Variants in GALNT17 observed in about 807,000 individuals in gnomAD.
GALNT17 encodes the protein polypeptide N-acetylgalactosaminyltransferase 17, also known as UDP-GalNAc:polypeptide N-acetylgalactosaminyltransferase-like 3.
GALNT17 carries 29 observed loss-of-function variants against 63.7 expected under a neutral mutation model. That is an observed-to-expected ratio of 0.46 (90% CI 0.34 to 0.62). The LOEUF is 0.62. Among genes scored for constraint, GALNT17 ranks in the 20% least tolerant of loss-of-function variants. The pLI, the probability that GALNT17 is intolerant of heterozygous loss-of-function variation, is 0.01. For synonymous variants in GALNT17, 305 were observed against 318.3 expected, an observed-to-expected ratio of 0.96 and a Z score of 0.45; for missense variants, 603 against 799.6, an observed-to-expected ratio of 0.75 and a Z score of 2.97.
chr7:71,618,695 A>T (rs1332821342), intron 6 of GALNT17, among the ~76,000 whole-genome samples: 1 of 152,062 alleles, frequency 6.6e-6, no homozygotes, highest in Admixed American at 6.6e-5. Flanking sequence ...AGTTCCCTAT[A>T]GATTCTGGAT....
At chr7:71,700,225 T>C (rs377261200) in intron 9 of GALNT17, among the ~76,000 whole-genome samples, 1 of 151,906 alleles carries the variant, frequency 6.6e-6, no homozygotes, top group Non-Finnish European at 1.5e-5. Flanking sequence ...CAAGAATCAC[T>C]TGAGCCCAGG....
At chr7:71,536,206 G>A (rs562243479) in intron 5 of GALNT17, among the ~76,000 whole-genome samples, 1 of 152,192 alleles carries the variant, frequency 6.6e-6, no homozygotes, top group South Asian at 2.1e-4. Context: ...TGGCAGGCTC[G>A]CATTTACCCA....
chr7:71,439,943 C>CTT lies in GALNT17; in HGVS notation c.962+18857_962+18858dup, dbSNP rs370145707. On this transcript the variant is annotated intron_variant, in intron 5 of 10. Transcript: ENST00000333538. The stretch of plus-strand genomic sequence containing the variant: ...CAGAGTGTTTCATCTTCCAGGCCCT[C>CTT]TTTTTTTTTTTTTTTTTTTTGAGAC... 7.7e-4 allele frequency among the ~76,000 whole-genome samples: 95 copies of CTT among 123,370 alleles called. 3 individuals carry two copies. Among genetic ancestry groups the CTT allele is most frequent in the East Asian group, 2.6e-3 (10 of 3,864 alleles). 80.9% of individuals were successfully genotyped at this position (123,370 alleles called of 152,430 possible). A position where few individuals can be genotyped will look rare whatever the true frequency, so the allele number is the denominator to read the frequency against.
intron 1 of GALNT17, among the ~76,000 whole-genome samples, chr7:71,224,495 C>T (rs920038724): frequency 6.6e-6 from 1 of 152,136 alleles, no homozygotes; most frequent in Non-Finnish European, 1.5e-5. Flanking sequence ...CTCATCCTTC[C>T]AAGAACAGTA....
intron 5 of GALNT17, among the ~76,000 whole-genome samples, chr7:71,510,569 A>G (rs1788340431): frequency 6.6e-6 from 1 of 152,054 alleles, no homozygotes. Flanking sequence ...CACGGAATCC[A>G]CCCAGATCAA....
At chr7:71,247,389 T>TA (rs1219687887) in intron 1 of GALNT17, among the ~76,000 whole-genome samples, 1 of 152,180 alleles carries the variant, frequency 6.6e-6, no homozygotes, top group Non-Finnish European at 1.5e-5. Context: ...TAGAGGTGCT[T>TA]ACCTCCTTGG....
rs554027506 is a variant in GALNT17 at position 71,634,061 on chromosome 7, G to A, written c.1081-31350G>A. Among the ~76,000 whole-genome samples the A allele has an allele frequency of 3.9e-5, 6 of 152,250 alleles. No homozygotes were observed. In the East Asian group the frequency reaches 9.7e-4, roughly 25 times the overall value. On this transcript the variant is annotated intron_variant, in intron 6 of 10. Transcript: ENST00000333538. ...ATGCAGTGGGCAGGAAGAACCCCTC[G>A]GGCAGTGACATCTCTCAAATATTGT...
At chr7:71,677,766 C>G (rs529624226) in intron 9 of GALNT17, among the ~76,000 whole-genome samples, 9 of 152,208 alleles carry the variant, frequency 5.9e-5, no homozygotes, top group African/African-American at 2.2e-4. Context: ...CCGCCCGCCT[C>G]GGCCTCCCAA....
intron 3 of GALNT17, among the ~76,000 whole-genome samples, chr7:71,403,559 G>A (rs1036757286): frequency 2.6e-5 from 4 of 152,182 alleles, no homozygotes; most frequent in African/African-American, 4.8e-5. Flanking sequence ...TAGAACACTC[G>A]TATGATGCAT....
intron 1 of GALNT17, chr7:71,284,221 G>C (rs942397620): frequency 6.2e-6 from 1 of 161,738 alleles, no homozygotes; most frequent in Non-Finnish European, 1.3e-5. Context: ...GCGAGACCAC[G>C]AACCCACCGG....
At chr7:71,370,939 G>T (rs930551561) in intron 2 of GALNT17, among the ~76,000 whole-genome samples, 2 of 152,192 alleles carry the variant, frequency 1.3e-5, no homozygotes, top group Non-Finnish European at 2.9e-5. Context: ...CATATCGTGG[G>T]ATTGCTCCTG....
chr7:71,428,283 A>G (rs1021512106), intron 5 of GALNT17, among the ~76,000 whole-genome samples: 4 of 152,120 alleles, frequency 2.6e-5, no homozygotes, highest in South Asian at 2.1e-4. Context: ...AAGGCTGCCA[A>G]TCTACTTTCT....
chr7:71,355,394 A>AT (rs1451571116), intron 2 of GALNT17, among the ~76,000 whole-genome samples: 2 of 152,154 alleles, frequency 1.3e-5, no homozygotes, highest in South Asian at 2.1e-4. Flanking sequence ...CATTACCATT[A>AT]TTTTTTAGAA....
At chr7:71,363,828 G>A (rs1792452108) in intron 2 of GALNT17, among the ~76,000 whole-genome samples, 1 of 152,198 alleles carries the variant, frequency 6.6e-6, no homozygotes, top group South Asian at 2.1e-4. Flanking sequence ...ACAGCTCAGT[G>A]TTTGCCTTAC....
intron 5 of GALNT17, among the ~76,000 whole-genome samples, chr7:71,494,948 T>G (rs1245980082): frequency 6.6e-6 from 1 of 152,138 alleles, no homozygotes; most frequent in African/African-American, 2.4e-5. Flanking sequence ...GCCCCCATGA[T>G]TCAATTGTCT....
At chr7:71,504,718 T>C (rs1475830090) in intron 5 of GALNT17, among the ~76,000 whole-genome samples, 1 of 152,214 alleles carries the variant, frequency 6.6e-6, no homozygotes, top group Non-Finnish European at 1.5e-5. Context: ...TCAAATTTGC[T>C]GTCTGGTATT....
intron 6 of GALNT17, among the ~76,000 whole-genome samples, chr7:71,636,432 C>G (rs1790529659): frequency 6.6e-6 from 1 of 152,150 alleles, no homozygotes; most frequent in South Asian, 2.1e-4. Flanking sequence ...AGGGCCACAT[C>G]TCCCCTGTAA....
At chr7:71,709,587 T>TG (rs1554327330) in intron 9 of GALNT17, among the ~76,000 whole-genome samples, 3 of 147,496 alleles carry the variant, frequency 2.0e-5, no homozygotes, top group Non-Finnish European at 4.5e-5. Flanking sequence ...GGTTTTTTTT[T>TG]TTGTTTTTTT....
intron 5 of GALNT17, among the ~76,000 whole-genome samples, chr7:71,533,900 C>G (rs1476422187): frequency 1.3e-5 from 2 of 152,090 alleles, no homozygotes; most frequent in Non-Finnish European, 2.9e-5. Flanking sequence ...AGCTGGTCAA[C>G]AGTCAGCAGG....
Sources: gnomAD v4.1 joint callset for allele counts (sites outside exome capture counted in the v4.1 genomes callset) on GRCh38, gnomAD v4.1.1 for gene constraint, MANE v1.5 for transcripts, NCBI Gene and HGNC (gene_info 2026-07-23, HGNC 2026-07-21) for gene names.